RAB7B: variants seen among roughly 807,000 people sequenced by gnomAD.
The protein encoded by RAB7B is ras-related protein Rab-7b.
At chr1:205,996,271 C>A (rs1660812401) in intron 1 of RAB7B, among the ~76,000 whole-genome samples, 1 of 152,006 alleles carries the variant, frequency 6.6e-6, no homozygotes, top group Admixed American at 6.6e-5. Context: ...TATGCACTAT[C>A]CCCAATTCCT....
chr1:205,991,907 G>T (rs1271465723), intron 4 of RAB7B, among the ~76,000 whole-genome samples: 4 of 152,224 alleles, frequency 2.6e-5, no homozygotes, highest in African/African-American at 7.2e-5. Context: ...CTGTAGTCAT[G>T]GAGCAGACCA....
intron 4 of RAB7B, among the ~76,000 whole-genome samples, chr1:205,990,996 C>T (rs1660713313): frequency 6.6e-6 from 1 of 152,060 alleles, no homozygotes; most frequent in Non-Finnish European, 1.5e-5. Flanking sequence ...TGGTCTCGAA[C>T]TCCAGACCTC....
chr1:205,988,784 T>C (rs1322481650), intron 4 of RAB7B, among the ~76,000 whole-genome samples: 1 of 152,128 alleles, frequency 6.6e-6, no homozygotes, highest in African/African-American at 2.4e-5. Flanking sequence ...TGAGTCCACA[T>C]CTGCGGGACG....
At chr1:205,992,848 C>T (rs1180692458) in intron 3 of RAB7B, among the ~76,000 whole-genome samples, 153 bp from the exon 4 acceptor site, 6 of 152,224 alleles carry the variant, frequency 3.9e-5, no homozygotes, top group African/African-American at 1.4e-4. Context: ...GGCACGTTGA[C>T]CCTCCCACCC....
At chr1:205,995,081 G>A (rs1660788282) in intron 1 of RAB7B, among the ~76,000 whole-genome samples, 1 of 152,128 alleles carries the variant, frequency 6.6e-6, no homozygotes, top group Admixed American at 6.5e-5. Context: ...GACACAGGAA[G>A]GGGAACATCA....
intron 4 of RAB7B, among the ~76,000 whole-genome samples, chr1:205,990,680 C>T (rs1424603762): frequency 6.6e-6 from 1 of 151,960 alleles, no homozygotes; most frequent in African/African-American, 2.4e-5. Context: ...GGAGGTACAG[C>T]GAAATGTTCC....
intron 1 of RAB7B, among the ~76,000 whole-genome samples, chr1:205,995,387 A>G (rs1660793124): frequency 6.6e-6 from 1 of 152,226 alleles, no homozygotes; most frequent in Non-Finnish European, 1.5e-5. Context: ...CAATTCCACT[A>G]CAGGATATAT....
At chr1:205,981,019 G>A (rs1660482836) in intron 5 of RAB7B, among the ~76,000 whole-genome samples, 2 of 151,818 alleles carry the variant, frequency 1.3e-5, no homozygotes, top group African/African-American at 4.8e-5. Flanking sequence ...TCCCACCTTA[G>A]CCTCCCAAGT....
At chr1:205,990,191 C>T (rs1660696158) in intron 4 of RAB7B, among the ~76,000 whole-genome samples, 1 of 152,212 alleles carries the variant, frequency 6.6e-6, no homozygotes, top group Admixed American at 6.5e-5. Context: ...TTGGATGACT[C>T]TAAATCCCAC....
intron 4 of RAB7B, among the ~76,000 whole-genome samples, chr1:205,985,883 T>C (rs986049730): frequency 1.1e-4 from 5 of 45,630 alleles, no homozygotes; most frequent in African/African-American, 3.7e-4. Flanking sequence ...TGTCTCTAAC[T>C]TTACATATAA....
At chr1:205,991,713 T>G (rs969214920) in intron 4 of RAB7B, among the ~76,000 whole-genome samples, 34 of 152,196 alleles carry the variant, frequency 2.2e-4, no homozygotes, top group Non-Finnish European at 4.4e-4. Context: ...ATGATCCAGT[T>G]CCCCATCACA....
chr1:205,979,719 C>A (rs1660452537), intron 5 of RAB7B, among the ~76,000 whole-genome samples: 6 of 152,194 alleles, frequency 3.9e-5, no homozygotes, highest in African/African-American at 1.4e-4. Context: ...ACAGCCAGTA[C>A]TGTGGGCCTC....
In RAB7B at chr1:205,987,835, C is replaced by T. The variant is rs1052972955; in HGVS notation, c.397-2170G>A. Among the ~76,000 whole-genome samples, 225 of 151,908 alleles carry T rather than the reference C, an allele frequency of 1.5e-3. 2 individuals carry two copies. The highest frequency in any genetic ancestry group is 0.011 in the South Asian group (55 of 4,794). ...TTTAAAATTATTCTGGCTATATATG[C>T]CTGTTTTTACTGTGGTAAATATACC... On this transcript the variant is annotated intron_variant, in intron 4 of 5. Coordinates refer to ENST00000617070, the MANE Select transcript of RAB7B (RefSeq NM_001164522.3).
chr1:205,998,351 G>A (rs917918244), intron 1 of RAB7B, among the ~76,000 whole-genome samples: 21 of 152,216 alleles, frequency 1.4e-4, no homozygotes, highest in African/African-American at 4.3e-4. Context: ...GCAAGACTCG[G>A]TCTCAAACAA....
chr1:205,979,753 C>T (rs1660453533), intron 5 of RAB7B, among the ~76,000 whole-genome samples: 1 of 152,170 alleles, frequency 6.6e-6, no homozygotes, highest in African/African-American at 2.4e-5. Context: ...AGCATTCACT[C>T]TACGTGGAAG....
At chr1:205,986,332 C>T (rs1042816570) in intron 4 of RAB7B, among the ~76,000 whole-genome samples, 5 of 152,188 alleles carry the variant, frequency 3.3e-5, no homozygotes, top group Admixed American at 6.5e-5. Context: ...TCTCCATGAC[C>T]CTGTGAGATA....
intron 4 of RAB7B, among the ~76,000 whole-genome samples, chr1:205,989,351 C>T (rs1314212851): frequency 1.3e-5 from 2 of 152,120 alleles, no homozygotes; most frequent in Non-Finnish European, 2.9e-5. Context: ...TCTCTCTGGA[C>T]ACCAAAGATC....
At chr1:205,986,888 T>C (rs1052603419) in intron 4 of RAB7B, among the ~76,000 whole-genome samples, 6 of 152,138 alleles carry the variant, frequency 3.9e-5, no homozygotes, top group Non-Finnish European at 7.4e-5. Context: ...ACTGCCCCTG[T>C]TTAATTGTCT....
chr1:205,989,007 C>T (rs2102637562), intron 4 of RAB7B, among the ~76,000 whole-genome samples: 1 of 152,228 alleles, frequency 6.6e-6, no homozygotes, highest in African/African-American at 2.4e-5. Flanking sequence ...CTCATCCTCT[C>T]CACGTCCTGT....
Sources: allele counts gnomAD v4.1 joint callset (sites outside exome capture counted in the v4.1 genomes callset), GRCh38; gene constraint gnomAD v4.1.1; transcripts MANE v1.5; gene names NCBI Gene and HGNC (gene_info 2026-07-23, HGNC 2026-07-21).